The following CTNNA3 variants were observed in gnomAD, a reference collection of about 807,000 sequenced individuals.
The protein encoded by CTNNA3 is catenin alpha 3.
Under a neutral mutation model 95.7 loss-of-function variants are expected in CTNNA3, and 76 were observed. That is an observed-to-expected ratio of 0.79 (90% CI 0.66 to 0.96). CTNNA3 has a LOEUF of 0.96. Among genes scored for constraint, CTNNA3 ranks in the 40% least tolerant of loss-of-function variants. The pLI is 0.00. For missense variants in CTNNA3, 1,191 were observed against 1,089.8 expected, an observed-to-expected ratio of 1.09 and a Z score of -1.31; for synonymous variants, 431 against 374.4, an observed-to-expected ratio of 1.15 and a Z score of -1.74.
intron 13 of CTNNA3, among the ~76,000 whole-genome samples, chr10:66,279,133 T>G (rs771492504): frequency 2.6e-4 from 40 of 152,102 alleles, no homozygotes; most frequent in Non-Finnish European, 5.4e-4. Context: ...CTTTAGACTT[T>G]GTCTTACAAG....
intron 4 of CTNNA3, among the ~76,000 whole-genome samples, chr10:67,525,818 C>T (rs1840122924): frequency 6.6e-6 from 1 of 152,314 alleles, no homozygotes; most frequent in South Asian, 2.1e-4. Context: ...AGTAGCATTG[C>T]TCCAAAACAA....
At chr10:67,452,628 A>G (rs904265174) in intron 5 of CTNNA3, among the ~76,000 whole-genome samples, 3 of 152,332 alleles carry the variant, frequency 2.0e-5, no homozygotes, top group Non-Finnish European at 4.4e-5. Context: ...CAAAAACAAG[A>G]GTGCTTAAGG....
At chr10:67,283,842 C>T (rs1201715852) in intron 5 of CTNNA3, among the ~76,000 whole-genome samples, 1 of 152,162 alleles carries the variant, frequency 6.6e-6, no homozygotes, top group East Asian at 1.9e-4. Flanking sequence ...TTGGACTCGC[C>T]ACCACTAACA....
intron 10 of CTNNA3, among the ~76,000 whole-genome samples, chr10:66,560,842 T>G (rs1217046197): frequency 6.6e-6 from 1 of 151,988 alleles, no homozygotes; most frequent in Non-Finnish European, 1.5e-5. Context: ...TTGCCTGCTC[T>G]CTCTCTCTCT....
chr10:66,914,287 C>T (rs1402384657), intron 7 of CTNNA3, among the ~76,000 whole-genome samples: 5 of 151,934 alleles, frequency 3.3e-5, no homozygotes, highest in Non-Finnish European at 7.4e-5. Context: ...CCTGCTACCA[C>T]GGCCGGAGAA....
intron 13 of CTNNA3, among the ~76,000 whole-genome samples, chr10:66,175,020 A>C (rs77114798): frequency 0.01 from 1,533 of 152,278 alleles, 33 homozygotes; most frequent in African/African-American, 0.035. Flanking sequence ...ATTGCCTCAG[A>C]TATTGAGAAA....
chr10:66,963,845 AT>A (rs56659477), intron 7 of CTNNA3, among the ~76,000 whole-genome samples: 94,365 of 143,940 alleles, frequency 0.66, 31,265 homozygotes, highest in East Asian at 0.84. Flanking sequence ...ATAGACATCA[AT>A]TTTTTTTTTT....
intron 5 of CTNNA3, among the ~76,000 whole-genome samples, chr10:67,439,083 T>C (rs1417093992): frequency 6.6e-6 from 1 of 152,066 alleles, no homozygotes; most frequent in East Asian, 1.9e-4. Flanking sequence ...GTGTTTTTTC[T>C]ACTCCTCCCA....
chr10:66,881,062 T>C (rs1050996376), intron 7 of CTNNA3, among the ~76,000 whole-genome samples: 3 of 152,126 alleles, frequency 2.0e-5, no homozygotes, highest in African/African-American at 4.8e-5. Flanking sequence ...TCAGACACTA[T>C]CAGGCAGCAT....
intron 5 of CTNNA3, among the ~76,000 whole-genome samples, chr10:67,325,167 A>AT (rs1455980980): frequency 2.8e-5 from 4 of 144,936 alleles, no homozygotes; most frequent in Non-Finnish European, 6.1e-5. Flanking sequence ...TATTTTATTA[A>AT]TTTTTTCAAA....
chr10:67,099,127 A>G (rs974595548), intron 7 of CTNNA3: 1 of 151,948 alleles, frequency 6.6e-6, no homozygotes, highest in Non-Finnish European at 1.5e-5. Flanking sequence ...AAATTATCAA[A>G]GAAATAACTC....
At chr10:66,002,483 T>C (rs78408208) in intron 15 of CTNNA3, among the ~76,000 whole-genome samples, 18,651 of 152,214 alleles carry the variant, frequency 0.12, 1,233 homozygotes, top group East Asian at 0.2. Flanking sequence ...CCTTTCTATT[T>C]CTCTTGTTCC....
At chr10:67,242,301 T>C (rs185413160) in intron 5 of CTNNA3, among the ~76,000 whole-genome samples, 2 of 152,348 alleles carry the variant, frequency 1.3e-5, no homozygotes, top group East Asian at 1.9e-4. Context: ...CTAATAAGTA[T>C]AATCTTGAAT....
At chr10:66,066,536 T>C (rs957722050) in intron 15 of CTNNA3, among the ~76,000 whole-genome samples, 7 of 152,070 alleles carry the variant, frequency 4.6e-5, no homozygotes, top group East Asian at 1.9e-4. Context: ...AATTACTTTC[T>C]ATATGAAGAG....
chr10:66,239,430 G>C (rs1252830944), intron 13 of CTNNA3, among the ~76,000 whole-genome samples: 1 of 151,848 alleles, frequency 6.6e-6, no homozygotes, highest in African/African-American at 2.4e-5. Context: ...TGGGTAGACT[G>C]TTCACTTTTG....
intron 9 of CTNNA3, among the ~76,000 whole-genome samples, chr10:66,651,803 C>CCTTGATCGCGGCACACAGCA: frequency 6.6e-6 from 1 of 152,114 alleles, no homozygotes; most frequent in South Asian, 2.1e-4. Flanking sequence ...CCGCATTGGC[C>CCTTGATCGCGGCACACAGCA]GGTTCCCACC....
intron 7 of CTNNA3, among the ~76,000 whole-genome samples, chr10:67,160,433 CTTTTT>C (rs71006132): frequency 3.2e-5 from 3 of 92,786 alleles, no homozygotes; most frequent in Non-Finnish European, 4.1e-5. Context: ...TTCATCACAT[CTTTTT>C]TTTTTTTTTT....
chr10:66,399,562 A>G (rs1161763716), intron 11 of CTNNA3, among the ~76,000 whole-genome samples: 1 of 151,964 alleles, frequency 6.6e-6, no homozygotes. Flanking sequence ...TAAAGGAACT[A>G]AATAAGAACT....
chr10:67,209,608 C>T (rs1864057199), intron 6 of CTNNA3, among the ~76,000 whole-genome samples: 1 of 151,754 alleles, frequency 6.6e-6, no homozygotes, highest in South Asian at 2.1e-4. Context: ...TTTCAGTGTT[C>T]CCCCAAAAAA....
Sources: allele counts gnomAD v4.1 joint callset (sites outside exome capture counted in the v4.1 genomes callset), GRCh38; gene constraint gnomAD v4.1.1; transcripts MANE v1.5; gene names NCBI Gene and HGNC (gene_info 2026-07-23, HGNC 2026-07-21).